Variants in SAXO1 observed in about 807,000 individuals in gnomAD.
SAXO1 encodes the protein 4930500O09Rik.
Under a neutral mutation model 17.5 loss-of-function variants are expected in SAXO1, and 21 were observed. The ratio of observed to expected loss-of-function variants is 1.20; its 90% CI spans 0.85 to 1.72. SAXO1 has a LOEUF of 1.72. SAXO1 is among the 40% of genes most tolerant of loss of function. The pLI, the probability that SAXO1 is intolerant of heterozygous loss-of-function variation, is 0.00. For missense variants in SAXO1, 843 were observed against 596.0 expected (o/e 1.41, Z -4.32); for synonymous variants, 274 against 216.5 (o/e 1.27, Z -2.33).
At chr9:18,993,133 G>A (rs1051114092) in intron 1 of SAXO1, among the ~76,000 whole-genome samples, 1 of 151,488 alleles carries the variant, frequency 6.6e-6, no homozygotes, top group African/African-American at 2.4e-5. Context: ...TTTAAGTTCT[G>A]GGATATATGT....
intron 1 of SAXO1, among the ~76,000 whole-genome samples, chr9:18,970,218 T>G (rs1269481228): frequency 6.6e-6 from 1 of 152,202 alleles, no homozygotes; most frequent in Non-Finnish European, 1.5e-5. Flanking sequence ...ATAAAATTAA[T>G]TAAGATAAAA....
intron 3 of SAXO1, among the ~76,000 whole-genome samples, chr9:18,939,171 G>A (rs1220801511): frequency 6.6e-6 from 1 of 152,176 alleles, no homozygotes; most frequent in African/African-American, 2.4e-5. Context: ...ACCCATCGTG[G>A]AAAGCGCTTA....
intron 1 of SAXO1, among the ~76,000 whole-genome samples, chr9:18,977,518 A>G (rs563675785): frequency 2.6e-5 from 4 of 152,188 alleles, no homozygotes; most frequent in Non-Finnish European, 4.4e-5. Flanking sequence ...TATATAGCTG[A>G]TAAGGGGTGG....
chr9:18,971,662 G>A (rs1832947457), intron 1 of SAXO1, among the ~76,000 whole-genome samples: 1 of 152,088 alleles, frequency 6.6e-6, no homozygotes, highest in African/African-American at 2.4e-5. Context: ...TGAGCAGCTG[G>A]AATGAAATTA....
chr9:18,938,570 A>G (rs748298220), intron 3 of SAXO1, among the ~76,000 whole-genome samples: 2 of 152,040 alleles, frequency 1.3e-5, no homozygotes, highest in Non-Finnish European at 2.9e-5. Flanking sequence ...CCCCCATTAT[A>G]CAATCACCTC....
chr9:18,949,456 T>TA (rs869047623), intron 2 of SAXO1, among the ~76,000 whole-genome samples: 7 of 151,840 alleles, frequency 4.6e-5, no homozygotes, highest in Middle Eastern at 3.4e-3. Context: ...AACCTTGTTT[T>TA]AAAAAAAAAA....
intron 2 of SAXO1, 130 bp downstream of exon 2, chr9:18,950,628 T>G (rs1259081101): frequency 2.6e-6 from 2 of 767,414 alleles, no homozygotes; most frequent in Non-Finnish European, 4.0e-6. Context: ...ATTAAGGCAT[T>G]AATATCATAT....
intron 2 of SAXO1, among the ~76,000 whole-genome samples, chr9:18,944,320 G>A (rs780590420): frequency 1.3e-5 from 2 of 152,180 alleles, no homozygotes; most frequent in African/African-American, 2.4e-5. Context: ...CAGAATTTAT[G>A]TGTTTCCTCA....
At chr9:18,970,015 C>A (rs1832887390) in intron 1 of SAXO1, among the ~76,000 whole-genome samples, 1 of 152,300 alleles carries the variant, frequency 6.6e-6, no homozygotes, top group East Asian at 1.9e-4. Flanking sequence ...ACTATAAGGA[C>A]ACTCCTCTAC....
chr9:18,939,130 A>C (rs1432283045), intron 3 of SAXO1, among the ~76,000 whole-genome samples: 1 of 152,132 alleles, frequency 6.6e-6, no homozygotes, highest in Non-Finnish European at 1.5e-5. Context: ...CCGCCATCGG[A>C]TATGCCATAT....
intron 1 of SAXO1, among the ~76,000 whole-genome samples, chr9:19,005,025 C>T (rs1438890224): frequency 6.6e-6 from 1 of 152,050 alleles, no homozygotes; most frequent in East Asian, 1.9e-4. Flanking sequence ...TAAACAATTT[C>T]ATTTACAATA....
intron 3 of SAXO1, among the ~76,000 whole-genome samples, chr9:18,940,128 G>C (rs1340522204): frequency 6.6e-6 from 1 of 152,226 alleles, no homozygotes; most frequent in East Asian, 1.9e-4. Flanking sequence ...CACAGGAGCG[G>C]CTGGTGGTAA....
At chr9:18,956,708 G>C (rs1832271847) in intron 1 of SAXO1, among the ~76,000 whole-genome samples, 1 of 152,162 alleles carries the variant, frequency 6.6e-6, no homozygotes, top group African/African-American at 2.4e-5. Context: ...ATGATTATGT[G>C]AATTAAATCA....
At position 18,991,247 on chromosome 9, in the gene SAXO1, C is replaced by G. The variant is rs979616343; in HGVS notation, c.39-40310G>C. Among the ~76,000 whole-genome samples the G allele has an allele frequency of 3.3e-5, 5 of 152,212 alleles. No homozygotes were observed. In the South Asian group the frequency reaches 1.0e-3, roughly 32 times the overall value. On this transcript the variant is annotated intron_variant, in intron 1 of 3. Transcript: ENST00000380534. The stretch of plus-strand genomic sequence containing the variant: ...CACTCCTCCAGCCTGGGTGACAGAG[C>G]GAGACTCACACATGCACACTTATGT...
chr9:19,024,958 G>A (rs1025350859), intron 1 of SAXO1, among the ~76,000 whole-genome samples: 3 of 152,102 alleles, frequency 2.0e-5, no homozygotes, highest in Admixed American at 2.0e-4. Context: ...AGACTATAAG[G>A]TCGAATAGAT....
intron 1 of SAXO1, among the ~76,000 whole-genome samples, chr9:19,029,965 C>T (rs568781636): frequency 2.0e-4 from 30 of 152,232 alleles, no homozygotes; most frequent in African/African-American, 6.3e-4. Context: ...TGATACAGTG[C>T]ACACACAAAA....
At chr9:18,938,830 G>A (rs137916053) in intron 3 of SAXO1, among the ~76,000 whole-genome samples, 23 of 147,860 alleles carry the variant, frequency 1.6e-4, no homozygotes, top group South Asian at 2.2e-4. Context: ...GCGTGTGTGT[G>A]TGTGTGTGTG....
chr9:19,029,105 G>A (rs1835644416), intron 1 of SAXO1, among the ~76,000 whole-genome samples: 1 of 152,192 alleles, frequency 6.6e-6, no homozygotes, highest in Non-Finnish European at 1.5e-5. Flanking sequence ...TTCCTCAGCA[G>A]CTGTGGGCAG....
intron 2 of SAXO1, among the ~76,000 whole-genome samples, chr9:18,945,782 CT>C (rs1831766834): frequency 6.6e-6 from 1 of 152,190 alleles, no homozygotes. Context: ...TTTCAAATGA[CT>C]TTAAAGCTCT....
Sources: gnomAD v4.1 joint callset for allele counts (sites outside exome capture counted in the v4.1 genomes callset) on GRCh38, gnomAD v4.1.1 for gene constraint, MANE v1.5 for transcripts, NCBI Gene and HGNC (gene_info 2026-07-23, HGNC 2026-07-21) for gene names.